The following FMO2 variants were observed in gnomAD, a reference collection of about 807,000 sequenced individuals.
FMO2 encodes the protein flavin containing dimethylaniline monoxygenase 2.
Under a neutral mutation model 41.6 loss-of-function variants are expected in FMO2, and 33 were observed. That is an observed-to-expected ratio of 0.79 (90% CI 0.60 to 1.06). The LOEUF (loss-of-function observed/expected upper bound fraction) is 1.06. Among genes scored for constraint, FMO2 ranks in the 50% least tolerant of loss-of-function variants. The pLI, the probability that FMO2 is intolerant of heterozygous loss-of-function variation, is 0.00. For synonymous variants in FMO2, 214 were observed against 219.6 expected (o/e 0.97, Z 0.23); for missense variants, 619 against 632.9 (o/e 0.98, Z 0.23).
chr1:171,200,320 G>C (rs1236116067), intron 5 of FMO2, among the ~76,000 whole-genome samples: 9 of 152,128 alleles, frequency 5.9e-5, no homozygotes. Flanking sequence ...GATAGTGGTG[G>C]TCAGGAATAG....
intron 2 of FMO2, chr1:171,186,177 A>G (rs1321663678): frequency 1.2e-5 from 2 of 172,362 alleles, no homozygotes; most frequent in African/African-American, 4.7e-5. Flanking sequence ...TCTTCTCAAG[A>G]TATCACTTCT....
At chr1:171,196,599 A>G (rs755026214) in intron 3 of FMO2, 50 bp from the exon 4 acceptor site, 14 of 1,570,774 alleles carry the variant, frequency 8.9e-6, no homozygotes, top group African/African-American at 4.1e-5. Flanking sequence ...CACTTGGCCA[A>G]TGTTATCCTG....
intron 2 of FMO2, among the ~76,000 whole-genome samples, chr1:171,187,179 G>C (rs1657888257): frequency 6.6e-6 from 1 of 152,144 alleles, no homozygotes; most frequent in Non-Finnish European, 1.5e-5. Flanking sequence ...TTGCATTCTT[G>C]CTCAAAAAGA....
chr1:171,193,462 T>C lies in FMO2; in HGVS notation c.260T>C (p.Leu87Pro). Residue 87 changes from leucine (L) to proline (P), a missense_variant, in exon 3 of 9, where the codon CTT (leucine) becomes CCT (proline). Transcript: ENST00000209929. ...DFPNFLHNSK[L>P]LEYFRIFAKK... ...CCAAACTTCCTGCATAATTCTAAAC[T>C]TCTGGAATATTTCAGGATTTTTGCT... 1 of 1,611,920 alleles carries C rather than the reference T, an allele frequency of 6.2e-7. No homozygotes were observed. The highest frequency in any genetic ancestry group is 8.5e-7 in the Non-Finnish European group (1 of 1,178,340).
chr1:171,206,976 C>A (rs1245764234), intron 7 of FMO2, among the ~76,000 whole-genome samples: 2 of 152,180 alleles, frequency 1.3e-5, no homozygotes, highest in African/African-American at 4.8e-5. Flanking sequence ...ACTTACAGAT[C>A]TCTGGCATTG....
At chr1:171,199,529 A>G (rs761748027) in intron 5 of FMO2, 41 bp downstream of exon 5, 1 of 1,553,326 alleles carries the variant, frequency 6.4e-7, no homozygotes, top group Non-Finnish European at 8.7e-7. Flanking sequence ...GAGGGGAGGA[A>G]GTGGGGATGC....
At chr1:171,203,222 T>C (rs1460773182) in intron 5 of FMO2, among the ~76,000 whole-genome samples, 1 of 151,686 alleles carries the variant, frequency 6.6e-6, no homozygotes, top group Non-Finnish European at 1.5e-5. Flanking sequence ...ACATGTCTGA[T>C]ACTGAGGTGG....
chr1:171,210,399 A>C lies in FMO2; in HGVS notation c.*1254A>C, dbSNP rs1350785898. 1 of 152,252 alleles carries C rather than the reference A, an allele frequency of 6.6e-6. No homozygotes were observed. The highest frequency in any genetic ancestry group is 2.4e-5 in the African/African-American group (1 of 41,474). The allele number at this position is 152,252 out of a possible 1,614,324, so 9.4% of individuals were successfully genotyped here. On this transcript the variant is annotated 3_prime_UTR_variant, in exon 9 of 9. Transcript: ENST00000209929. ...TAAGGCAAAAAGCTAAATAAACAAT[A>C]TGTAACCTCTAACATTTGGTAAAAG...
intron 4 of FMO2, among the ~76,000 whole-genome samples, chr1:171,198,953 A>G (rs182213629): frequency 2.0e-4 from 31 of 152,126 alleles, no homozygotes; most frequent in Admixed American, 2.0e-3. Context: ...CCCAGACTGG[A>G]GTGCAGTGAC....
chr1:171,185,624 A>T, intron 1 of FMO2, 84 bp from the exon 2 acceptor site: 2 of 1,382,418 alleles, frequency 1.4e-6, no homozygotes, highest in Non-Finnish European at 2.0e-6. Flanking sequence ...TACAATGTTT[A>T]AAGCCAATTA....
In FMO2 at chr1:171,211,664, C is replaced by T. The variant is rs538515064; in HGVS notation, c.*2519C>T. Among the ~76,000 whole-genome samples the T allele has an allele frequency of 1.1e-4, 17 of 152,208 alleles. No homozygotes were observed. Among genetic ancestry groups the T allele is most frequent in the African/African-American group, 4.1e-4 (17 of 41,526 alleles). On this transcript the variant is annotated 3_prime_UTR_variant, in exon 9 of 9. Coordinates refer to ENST00000209929, the MANE Select transcript of FMO2 (RefSeq NM_001460.5). ...TAGAGAACCCTACCTCTGAGGTTGA[C>T]TCAAAGGTTAAAGAAGGCTCATCAG...
In FMO2 at chr1:171,208,840, T is replaced by C. The variant is rs1286113914; in HGVS notation, c.1303T>C (p.Tyr435His). Residue 435 changes from tyrosine to histidine, a missense_variant, in exon 9 of 9, where the codon TAC becomes CAC. Coordinates refer to ENST00000209929, the MANE Select transcript of FMO2 (RefSeq NM_001460.5). ...SQTLQTNYVD[Y>H]LDELALEIGA... Reference sequence around the variant, plus strand: ...GACGTTGCAGACCAATTATGTTGACTACTTGGACGAGCTCGCCTTAGAGAT... The same window carrying C: ...GACGTTGCAGACCAATTATGTTGACCACTTGGACGAGCTCGCCTTAGAGAT... 6.2e-7 allele frequency: 1 copy of C among 1,614,040 alleles called. No homozygotes were observed. Among genetic ancestry groups the C allele is most frequent in the East Asian group, 2.2e-5 (1 of 44,882 alleles).
intron 5 of FMO2, among the ~76,000 whole-genome samples, chr1:171,203,321 TCTCA>T (rs1289131392): frequency 4.9e-5 from 6 of 122,546 alleles, no homozygotes; most frequent in African/African-American, 1.7e-4. Context: ...CAAGACCCTG[TCTCA>T]CACACACACA....
chr1:171,185,788 AC>A lies in FMO2; in HGVS notation c.76del (p.Glu27SerfsTer75). 6.2e-7 allele frequency: 1 copy of A among 1,613,774 alleles called. No individual in the cohort carries two copies. The highest frequency in any genetic ancestry group is 8.5e-7 in the Non-Finnish European group (1 of 1,179,810). ...ISLKCCVDEG[L>X]EPTCFERTED... The stretch of plus-strand genomic sequence containing the variant: ...CTCTGAAGTGCTGTGTGGATGAGGG[AC>A]TTGAGCCCACTTGCTTTGAGAGAAC... On this transcript the variant is annotated frameshift_variant, in exon 2 of 9. Coordinates refer to ENST00000209929, the MANE Select transcript of FMO2 (RefSeq NM_001460.5). LOFTEE classifies it high-confidence loss of function.
chr1:171,205,892 A>T (rs1658741798), intron 7 of FMO2, among the ~76,000 whole-genome samples: 1 of 152,202 alleles, frequency 6.6e-6, no homozygotes, highest in Non-Finnish European at 1.5e-5. Context: ...GCATAAAGCT[A>T]AGTGCATGTT....
rs1379614473 is a variant in FMO2 at position 171,212,475 on chromosome 1, C to T, written c.*3330C>T. Among the ~76,000 whole-genome samples, 1 of 152,200 alleles carries T rather than the reference C, an allele frequency of 6.6e-6. No individual in the cohort carries two copies. Among genetic ancestry groups the T allele is most frequent in the Non-Finnish European group, 1.5e-5 (1 of 68,036 alleles). On this transcript the variant is annotated 3_prime_UTR_variant, in exon 9 of 9. Coordinates refer to ENST00000209929, the MANE Select transcript of FMO2 (RefSeq NM_001460.5). ...CTAAGACACCACCCTTTTCCAAAAT[C>T]TCTCCTTGTGATGGCTCCCTTTACT...
intron 2 of FMO2, among the ~76,000 whole-genome samples, chr1:171,190,157 G>A (rs953533000): frequency 7.2e-5 from 11 of 152,070 alleles, no homozygotes; most frequent in African/African-American, 2.7e-4. Context: ...CCTCACTTGA[G>A]TAGATTAAAT....
At chr1:171,208,505 T>C (rs1658853023) in intron 8 of FMO2, among the ~76,000 whole-genome samples, 4 of 152,208 alleles carry the variant, frequency 2.6e-5, no homozygotes, top group Admixed American at 2.6e-4. Flanking sequence ...CTGGCTAGCA[T>C]GTACTTGCCT....
rs555296260 is a variant in FMO2 at position 171,212,514 on chromosome 1, G to C, written c.*3369G>C. ...GCTCCCTTTACTAACCTTTCTTTTA[G>C]CTATTCCCTTTATGATAGTTTCTTA... On this transcript the variant is annotated 3_prime_UTR_variant, in exon 9 of 9. Transcript: ENST00000209929. Among the ~76,000 whole-genome samples, 1 of 152,002 alleles carries C rather than the reference G, an allele frequency of 6.6e-6. No individual in the cohort carries two copies. Among genetic ancestry groups the C allele is most frequent in the Non-Finnish European group, 1.5e-5 (1 of 67,996 alleles).
Sources: allele counts gnomAD v4.1 joint callset (sites outside exome capture counted in the v4.1 genomes callset), GRCh38; gene constraint gnomAD v4.1.1; transcripts MANE v1.5; gene names NCBI Gene and HGNC (gene_info 2026-07-23, HGNC 2026-07-21).